FAM3D: variants seen among roughly 807,000 people sequenced by gnomAD.
The protein encoded by FAM3D is FAM3 metabolism regulating signaling molecule D.
FAM3D carries 26 observed loss-of-function variants against 29.8 expected under a neutral mutation model. The ratio of observed to expected loss-of-function variants is 0.87; its 90% CI spans 0.64 to 1.21. FAM3D has a LOEUF of 1.21. Ranked by LOEUF, FAM3D falls within the 50% of genes most tolerant of loss-of-function variation. FAM3D has a pLI of 0.00. For missense variants in FAM3D, 253 were observed against 290.9 expected (o/e 0.87, Z 0.95); for synonymous variants, 115 against 102.3 (o/e 1.12, Z -0.75).
Position 58,635,709 on chromosome 3 carries a change from C to G in FAM3D, c.585+585G>C, listed in dbSNP as rs1353730162. ...ATTTCTAGTTACCCAAATACATCCT[C>G]TTAGAAACACACGCATACAGACCAA... On this transcript the variant is annotated intron_variant, in intron 9 of 9. Coordinates refer to ENST00000358781, the MANE Select transcript of FAM3D (RefSeq NM_138805.3). The surrounding 1 kb of genome is among the most constrained non-coding windows in gnomAD (Gnocchi z 5.2). 6.6e-6 allele frequency among the ~76,000 whole-genome samples: 1 copy of G among 152,232 alleles called. No homozygotes were observed. Among genetic ancestry groups the G allele is most frequent in the African/African-American group, 2.4e-5 (1 of 41,464 alleles).
At chr3:58,650,919 G>A (rs527681576) in intron 3 of FAM3D, among the ~76,000 whole-genome samples, 221 of 152,010 alleles carry the variant, frequency 1.5e-3, no homozygotes, top group Non-Finnish European at 2.4e-3. Flanking sequence ...GGGTTTCACC[G>A]TGTTAGCCAG....
chr3:58,656,287 T>G (rs2106920899), intron 1 of FAM3D, among the ~76,000 whole-genome samples: 1 of 152,274 alleles, frequency 6.6e-6, no homozygotes, highest in South Asian at 2.1e-4. Context: ...TAGGGATGAG[T>G]AAGCAAGACC....
Position 58,653,527 on chromosome 3 carries a change from G to T in FAM3D, c.121+147C>A. 3.9e-6 allele frequency: 3 copies of T among 761,478 alleles called. No individual in the cohort carries two copies. The Admixed American group carries it at 6.2e-5, about 16-fold the overall frequency. The allele number at this position is 761,478 out of a possible 1,614,324, so 47.2% of individuals were successfully genotyped here. ...CTCCACCCTTCCTGGTAGTCTGGGG[G>T]TGCCCCCTCTCCCTGCAATTGCTGG... On this transcript the variant is annotated intron_variant, in intron 3 of 9. Transcript: ENST00000358781.
At chr3:58,655,488 G>A in intron 2 of FAM3D, 63 bp downstream of exon 2, 2 of 1,604,070 alleles carry the variant, frequency 1.2e-6, no homozygotes, top group Non-Finnish European at 1.7e-6. Context: ...AAATCACTGT[G>A]AGCCCAGGAT....
In FAM3D at chr3:58,637,221, A is replaced by G; in HGVS notation, c.378T>C (p.Val126=). The part of the protein sequence containing the change: ...QKAFDMYSGD[V]MHLVKFLKEI... ...CTTTAAGGAATTTCACTAGGTGCAT[A>G]ACATCTGGGGGAGGAAGGAAAAGGT... is the stretch of plus-strand genomic sequence containing the variant. The change falls in exon 8 of 10, where the codon GTT becomes GTC. Residue 126 remains valine, a synonymous_variant. Transcript: ENST00000358781. 1 of 1,612,488 alleles carries G rather than the reference A, an allele frequency of 6.2e-7. No homozygotes were observed. Among genetic ancestry groups the G allele is most frequent in the Non-Finnish European group, 8.5e-7 (1 of 1,179,346 alleles).
chr3:58,652,875 TC>T (rs986915404), intron 3 of FAM3D, among the ~76,000 whole-genome samples: 46 of 149,268 alleles, frequency 3.1e-4, no homozygotes, highest in Non-Finnish European at 5.1e-4. Context: ...CATCCATCCA[TC>T]CATCCATCCA....
chr3:58,635,242 G>A lies in FAM3D; in HGVS notation c.586-874C>T, dbSNP rs896602955. ...AATCACTTAGGATTGTGTCTAAAAT[G>A]CTCAGGTTTGGATTATGAAAGAAAA... is the stretch of plus-strand genomic sequence containing the variant. On this transcript the variant is annotated intron_variant, in intron 9 of 9. Transcript: ENST00000358781. The surrounding 1 kb of genome is among the most constrained non-coding windows in gnomAD (Gnocchi z 5.2). Among the ~76,000 whole-genome samples the A allele has an allele frequency of 3.9e-5, 6 of 152,108 alleles. No individual in the cohort carries two copies. The highest frequency in any genetic ancestry group is 8.8e-5 in the Non-Finnish European group (6 of 68,026).
At chr3:58,644,040 C>T (rs1038491242) in intron 5 of FAM3D, among the ~76,000 whole-genome samples, 2 of 152,176 alleles carry the variant, frequency 1.3e-5, no homozygotes, top group African/African-American at 4.8e-5. Flanking sequence ...AGGCAGGACC[C>T]AGAAGGTTGC....
At chr3:58,654,405 G>A (rs115672161) in intron 2 of FAM3D, among the ~76,000 whole-genome samples, 203 of 152,302 alleles carry the variant, frequency 1.3e-3, no homozygotes, top group African/African-American at 4.6e-3. Flanking sequence ...CTCCCTCAAG[G>A]CCTCCACAAA....
chr3:58,651,225 C>T (rs994311763), intron 3 of FAM3D, among the ~76,000 whole-genome samples: 1 of 152,096 alleles, frequency 6.6e-6, no homozygotes, highest in Non-Finnish European at 1.5e-5. Context: ...GATTGGAAAC[C>T]AATTATATAT....
intron 2 of FAM3D, among the ~76,000 whole-genome samples, chr3:58,654,478 C>G (rs2066732701): frequency 6.6e-6 from 1 of 152,230 alleles, no homozygotes; most frequent in African/African-American, 2.4e-5. Context: ...GCCCCTGCCT[C>G]ATGGCCAGAT....
rs753690952 is a variant in FAM3D, at chr3:58,643,663, A to G, written c.321T>C (p.Asn107=). 88 of 1,613,426 alleles carry G rather than the reference A, an allele frequency of 5.5e-5. No homozygotes were observed. The highest frequency in any genetic ancestry group is 7.5e-5 in the Non-Finnish European group (88 of 1,180,014). Residue 107 remains asparagine (N), a splice_region_variant and synonymous_variant, in exon 6 of 10, where the codon AAT becomes AAC. Coordinates refer to ENST00000358781, the MANE Select transcript of FAM3D (RefSeq NM_138805.3). ...TCTGGGGATGGATATGCAACTCACC[A>G]TTCACCAGGGCGATGTTTAGGCCTC... ...VGRGLNIALV[N]GTTGAVLGQK...
chr3:58,637,228 G>A lies in FAM3D; in HGVS notation c.374-3C>T, dbSNP rs751771659. The A allele has an allele frequency of 6.2e-7, 1 of 1,610,162 alleles. No individual in the cohort carries two copies. Among genetic ancestry groups the A allele is most frequent in the South Asian group, 1.1e-5 (1 of 90,272 alleles). ...GAATTTCACTAGGTGCATAACATCT[G>A]GGGGAGGAAGGAAAAGGTGCTGGTG... On this transcript the variant is annotated splice_polypyrimidine_tract_variant and splice_region_variant and intron_variant, in intron 7 of 9. Coordinates refer to ENST00000358781, the MANE Select transcript of FAM3D (RefSeq NM_138805.3).
In FAM3D at chr3:58,645,514, G is replaced by T; in HGVS notation, c.258C>A (p.Asp86Glu). The T allele has an allele frequency of 6.2e-7, 1 of 1,611,736 alleles. No individual in the cohort carries two copies. Residue 86 changes from aspartate to glutamate, a missense_variant, in exon 5 of 10, where the codon GAC becomes GAA. Asp to Glu is a conservative substitution (Grantham distance 45). Coordinates refer to ENST00000358781, the MANE Select transcript of FAM3D (RefSeq NM_138805.3). ...NVVGPTMCFE[D>E]RMIMSPVKNN... ...GTTGTGTCTTAGGTACTTACATGCG[G>T]TCTTCAAAGCACATAGTAGGGCCCA...
intron 1 of FAM3D, among the ~76,000 whole-genome samples, chr3:58,663,494 T>C (rs1402233637): frequency 6.6e-6 from 1 of 152,202 alleles, no homozygotes; most frequent in Admixed American, 6.5e-5. Context: ...TGAGCTGGTT[T>C]CTGTCACTTG....
At chr3:58,640,314 A>G (rs1024503072) in intron 6 of FAM3D, 137 bp from the exon 7 acceptor site, 77 of 964,400 alleles carry the variant, frequency 8.0e-5, no homozygotes, top group Admixed American at 2.7e-4. Flanking sequence ...TATAAAGAGC[A>G]CGCAGGACTA....
Position 58,664,232 on chromosome 3 carries a change from C to A in FAM3D, c.-39+2344G>T, listed in dbSNP as rs1559511005. 2.0e-5 allele frequency among the ~76,000 whole-genome samples: 3 copies of A among 152,354 alleles called. No homozygotes were observed. In the East Asian group the frequency reaches 5.8e-4, roughly 29 times the overall value. ...CAGCTAATCCATGTACAGTACTTGG[C>A]ACCATTCTATAGACACAGTCAACCC... is the stretch of plus-strand genomic sequence containing the variant. On this transcript the variant is annotated intron_variant, in intron 1 of 9. Transcript: ENST00000358781.
intron 1 of FAM3D, among the ~76,000 whole-genome samples, chr3:58,661,093 A>G (rs1477677231): frequency 6.6e-6 from 1 of 152,222 alleles, no homozygotes; most frequent in East Asian, 1.9e-4. Context: ...GCCACAGACA[A>G]TATATAAATG....
chr3:58,650,762 G>A (rs1173426624), intron 3 of FAM3D, among the ~76,000 whole-genome samples: 1 of 152,086 alleles, frequency 6.6e-6, no homozygotes, highest in African/African-American at 2.4e-5. Flanking sequence ...CCGTCGCCCA[G>A]GCTGGAGTGC....
Sources: allele counts gnomAD v4.1 joint callset (sites outside exome capture counted in the v4.1 genomes callset), GRCh38; gene constraint gnomAD v4.1.1; non-coding constraint Gnocchi (gnomAD v3.1); transcripts MANE v1.5; gene names NCBI Gene and HGNC (gene_info 2026-07-23, HGNC 2026-07-21).